NOS1: variants seen among roughly 807,000 people sequenced by gnomAD.
NOS1 encodes NOS type I.
In NOS1, 51 loss-of-function variants were observed where a neutral mutation model predicts 164.5. That is an observed-to-expected ratio of 0.31 (90% CI 0.25 to 0.39). The LOEUF is 0.39. Among genes scored for constraint, NOS1 ranks in the 10% least tolerant of loss-of-function variants. NOS1 has a pLI of 1.00. For synonymous variants in NOS1, 719 were observed against 745.8 expected (o/e 0.96, Z 0.59); for missense variants, 1,362 against 1,885.6 (o/e 0.72, Z 5.14).
intron 2 of NOS1, among the ~76,000 whole-genome samples, chr12:117,328,977 A>G (rs1219509664): frequency 2.0e-5 from 3 of 152,224 alleles, no homozygotes; most frequent in Admixed American, 2.0e-4. Flanking sequence ...TGCTGCAGGC[A>G]ACTGTAACAC....
At chr12:117,322,761 C>T in intron 2 of NOS1, among the ~76,000 whole-genome samples, 1 of 135,574 alleles carries the variant, frequency 7.4e-6, no homozygotes, top group Non-Finnish European at 1.6e-5. Context: ...TTCCTTCCCT[C>T]CTTCCTTCCC....
intron 7 of NOS1, 35 bp downstream of exon 7, chr12:117,285,206 C>T (rs757249612): frequency 1.3e-6 from 2 of 1,494,066 alleles, no homozygotes; most frequent in South Asian, 2.3e-5. Context: ...GGACTTTTGA[C>T]CTCCTGCTCC....
At chr12:117,273,391 G>A (rs143086165) in intron 9 of NOS1, among the ~76,000 whole-genome samples, 150 of 152,238 alleles carry the variant, frequency 9.9e-4, no homozygotes, top group Non-Finnish European at 2.0e-3. Flanking sequence ...GCAGTGTCAG[G>A]AGCCTCAGGA....
Position 117,330,873 on chromosome 12 carries a change from G to C in NOS1, c.197C>G (p.Ala66Gly). 1.2e-6 allele frequency: 2 copies of C among 1,614,098 alleles called. No homozygotes were observed. Among genetic ancestry groups the C allele is most frequent in the Non-Finnish European group, 1.7e-6 (2 of 1,180,006 alleles). The change falls in exon 2 of 29, where the codon GCG (alanine) becomes GGG (glycine). Residue 66 changes from alanine to glycine, a missense_variant. This residue lies in a region of NOS1 where 362 missense variants were observed against 402.0 expected (regional missense o/e 0.90). Transcript: ENST00000317775. The surrounding 1 kb of genome is among the most constrained non-coding windows in gnomAD (Gnocchi z 4.6). ...GTCCACCAAGGGCCGGCCGTTGACC[G>C]CAAGAATGATGTCTCCGGCCTGGAT... ...GLIQAGDIIL[A>G]VNGRPLVDLS...
intron 3 of NOS1, among the ~76,000 whole-genome samples, chr12:117,304,336 C>T (rs924564823): frequency 6.6e-6 from 1 of 152,178 alleles, no homozygotes; most frequent in African/African-American, 2.4e-5. Flanking sequence ...TTTAGGCAAA[C>T]TTCTACCTGA....
At chr12:117,307,817 G>C (rs1381729778) in intron 3 of NOS1, among the ~76,000 whole-genome samples, 2 of 151,882 alleles carry the variant, frequency 1.3e-5, no homozygotes, top group Non-Finnish European at 2.9e-5. Flanking sequence ...AGGAGTTCGA[G>C]ACCAGCCTGG....
chr12:117,348,378 C>T (rs1876457073), intron 1 of NOS1: 1 of 152,056 alleles, frequency 6.6e-6, no homozygotes, highest in Admixed American at 6.6e-5. Context: ...CATCTTGGTG[C>T]CTCCGTTTCT....
At chr12:117,219,596 C>T (rs971193655) in intron 27 of NOS1, among the ~76,000 whole-genome samples, 5 of 152,134 alleles carry the variant, frequency 3.3e-5, no homozygotes, top group South Asian at 2.1e-4. Context: ...CGTGAGCCAC[C>T]GAGCCCAGCC....
chr12:117,298,314 CA>C (rs1280771879), intron 3 of NOS1, among the ~76,000 whole-genome samples: 2 of 152,054 alleles, frequency 1.3e-5, no homozygotes, highest in Non-Finnish European at 1.5e-5. Flanking sequence ...ACTGATCTGA[CA>C]GGGGGCAGAG....
At chr12:117,264,158 C>A (rs899502744) in intron 12 of NOS1, among the ~76,000 whole-genome samples, 184 bp from the exon 13 acceptor site, 3 of 151,130 alleles carry the variant, frequency 2.0e-5, no homozygotes, top group African/African-American at 7.3e-5. Context: ...GGGGGGGGTC[C>A]TTGCCCAGTG....
At chr12:117,247,611 A>C (rs1356604657) in intron 17 of NOS1, 89 bp from the exon 18 acceptor site, 1 of 1,148,742 alleles carries the variant, frequency 8.7e-7, no homozygotes, top group Non-Finnish European at 1.2e-6. Context: ...GTGTCCCCCC[A>C]AATTTCATAT....
At chr12:117,255,862 C>T in intron 16 of NOS1, 1 of 877,704 alleles carries the variant, frequency 1.1e-6, no homozygotes, top group South Asian at 3.2e-5. Flanking sequence ...AGATGTGTGG[C>T]CTGGGATGCT....
chr12:117,336,447 C>T (rs560636442), intron 1 of NOS1, among the ~76,000 whole-genome samples: 9 of 152,226 alleles, frequency 5.9e-5, no homozygotes, highest in South Asian at 4.2e-4. Context: ...ATATGGCAGC[C>T]GCTTGACACA....
chr12:117,323,997 C>T (rs1010918608), intron 2 of NOS1, among the ~76,000 whole-genome samples: 6 of 151,656 alleles, frequency 4.0e-5, no homozygotes, highest in Non-Finnish European at 7.4e-5. Context: ...GCCATGTTGG[C>T]CAGGCTGACC....
intron 4 of NOS1, 79 bp downstream of exon 4, chr12:117,290,219 A>G: frequency 1.3e-6 from 2 of 1,554,784 alleles, no homozygotes; most frequent in East Asian, 4.6e-5. Flanking sequence ...CAGCCCCCAC[A>G]ACAAAGACTT....
chr12:117,248,968 T>C (rs9658452), intron 17 of NOS1, among the ~76,000 whole-genome samples: 14,631 of 152,100 alleles, frequency 0.096, 2,133 homozygotes, highest in African/African-American at 0.32. Context: ...CATTTTTTCA[T>C]GTGTTTTTTG....
intron 1 of NOS1, among the ~76,000 whole-genome samples, chr12:117,347,264 G>A (rs1332627147): frequency 5.3e-5 from 8 of 151,358 alleles, no homozygotes; most frequent in Non-Finnish European, 7.4e-5. Flanking sequence ...TCCAGACTGG[G>A]TGAAAGAGAG....
intron 16 of NOS1, among the ~76,000 whole-genome samples, chr12:117,254,305 C>T (rs758299925): frequency 6.6e-6 from 1 of 152,162 alleles, no homozygotes; most frequent in African/African-American, 2.4e-5. Flanking sequence ...CGGGGTTTCA[C>T]CACATTTGCC....
At chr12:117,332,500 G>A (rs966008506) in intron 1 of NOS1, among the ~76,000 whole-genome samples, 1 of 152,140 alleles carries the variant, frequency 6.6e-6, no homozygotes, top group Non-Finnish European at 1.5e-5. Flanking sequence ...GCTGAGGTGG[G>A]AGGATCGCAT....
Sources: gnomAD v4.1 joint callset for allele counts (sites outside exome capture counted in the v4.1 genomes callset) on GRCh38, gnomAD v4.1.1 for gene constraint, gnomAD v4.1.1 regional missense constraint, Gnocchi (gnomAD v3.1) non-coding constraint, MANE v1.5 for transcripts, NCBI Gene and HGNC (gene_info 2026-07-23, HGNC 2026-07-21) for gene names.